The following ELMO1 variants were observed in gnomAD, a reference collection of about 807,000 sequenced individuals.
The protein encoded by ELMO1 is engulfment and cell motility protein 1.
Under a neutral mutation model 98.9 loss-of-function variants are expected in ELMO1, and 26 were observed. The ratio of observed to expected loss-of-function variants is 0.26; its 90% CI spans 0.19 to 0.36. ELMO1 has a LOEUF of 0.36. Ranked by LOEUF, ELMO1 falls within the 10% of genes least tolerant of loss-of-function variation. The pLI is 1.00. For missense variants in ELMO1, 627 were observed against 935.2 expected (o/e 0.67, Z 4.30); for synonymous variants, 346 against 346.0 (o/e 1.00, Z 0.00).
chr7:37,313,980 C>T (rs576046649), intron 4 of ELMO1, among the ~76,000 whole-genome samples: 1 of 152,324 alleles, frequency 6.6e-6, no homozygotes, highest in African/African-American at 2.4e-5. Context: ...GTTTAGAAGA[C>T]AAAACTGGCT....
intron 13 of ELMO1, among the ~76,000 whole-genome samples, chr7:37,158,808 A>G (rs553751454): frequency 6.6e-6 from 1 of 152,348 alleles, no homozygotes; most frequent in East Asian, 1.9e-4. Flanking sequence ...TACTGGGTAT[A>G]TACCCAAAGG....
chr7:37,403,633 C>T (rs887879262), intron 1 of ELMO1, among the ~76,000 whole-genome samples: 1 of 152,154 alleles, frequency 6.6e-6, no homozygotes, highest in Non-Finnish European at 1.5e-5. Flanking sequence ...CAGCCTTGAC[C>T]TCCTGGCCTC....
intron 16 of ELMO1, among the ~76,000 whole-genome samples, chr7:36,945,408 G>A (rs1182362915): frequency 6.6e-6 from 1 of 152,278 alleles, no homozygotes; most frequent in South Asian, 2.1e-4. Context: ...ACATTAGGGA[G>A]GGAAGGAGGG....
chr7:36,879,550 T>C (rs3807165), intron 18 of ELMO1, among the ~76,000 whole-genome samples: 13,216 of 152,290 alleles, frequency 0.087, 671 homozygotes, highest in South Asian at 0.19. Flanking sequence ...TTAATAGAAA[T>C]AGAAGTTTTA....
chr7:37,058,615 T>C lies in ELMO1; in HGVS notation c.1300+38004A>G, dbSNP rs954154944. On this transcript the variant is annotated intron_variant, in intron 15 of 21. Transcript: ENST00000310758. Reference sequence around the variant, plus strand: ...TGCATGAGAGTAAATGCACACCTTTTGAAGGTTCTATGAGGGCTCCATTCC... The same window carrying C: ...TGCATGAGAGTAAATGCACACCTTTCGAAGGTTCTATGAGGGCTCCATTCC... Among the ~76,000 whole-genome samples, 8 of 152,086 alleles carry C rather than the reference T, an allele frequency of 5.3e-5. No homozygotes were observed. In the East Asian group the frequency reaches 1.5e-3, roughly 29 times the overall value.
At chr7:37,152,081 T>C (rs889517161) in intron 13 of ELMO1, among the ~76,000 whole-genome samples, 1 of 152,198 alleles carries the variant, frequency 6.6e-6, no homozygotes, top group Non-Finnish European at 1.5e-5. Context: ...GAATGCCACA[T>C]TGCCCCTAAC....
intron 16 of ELMO1, among the ~76,000 whole-genome samples, chr7:36,985,277 A>G (rs1329404720): frequency 1.3e-5 from 2 of 152,202 alleles, no homozygotes; most frequent in Non-Finnish European, 2.9e-5. Flanking sequence ...ATTTTGAAGC[A>G]TGCTTTTTGA....
chr7:37,402,782 T>C (rs996242655), intron 1 of ELMO1, among the ~76,000 whole-genome samples: 11 of 152,232 alleles, frequency 7.2e-5, no homozygotes, highest in Non-Finnish European at 1.5e-4. Context: ...AAGTAGTACC[T>C]GCATTTTTCC....
chr7:37,241,807 C>T (rs1794778018), intron 7 of ELMO1, among the ~76,000 whole-genome samples: 1 of 152,102 alleles, frequency 6.6e-6, no homozygotes, highest in Non-Finnish European at 1.5e-5. Flanking sequence ...CATTGTCATA[C>T]ATATTGCATC....
chr7:37,399,454 A>T (rs1803433857), intron 1 of ELMO1, among the ~76,000 whole-genome samples: 3 of 152,210 alleles, frequency 2.0e-5, no homozygotes, highest in Non-Finnish European at 2.9e-5. Context: ...GCCACCTTGC[A>T]CCAGGCACAT....
At chr7:37,427,458 C>T (rs1407515121) in intron 1 of ELMO1, among the ~76,000 whole-genome samples, 1 of 152,224 alleles carries the variant, frequency 6.6e-6, no homozygotes, top group South Asian at 2.1e-4. Flanking sequence ...TCACAGATCA[C>T]TCTGATAGGA....
chr7:37,205,503 A>G (rs569331091), intron 13 of ELMO1, among the ~76,000 whole-genome samples: 1 of 152,312 alleles, frequency 6.6e-6, no homozygotes, highest in Non-Finnish European at 1.5e-5. Flanking sequence ...TCTGCGTGGC[A>G]TGTCACAGCC....
chr7:37,080,434 C>T (rs1797804160), intron 15 of ELMO1, among the ~76,000 whole-genome samples: 1 of 149,782 alleles, frequency 6.7e-6, no homozygotes, highest in African/African-American at 2.5e-5. Flanking sequence ...CCCACCATCC[C>T]ACTTTTTTTT....
chr7:37,432,101 G>A (rs1314717547), intron 1 of ELMO1, among the ~76,000 whole-genome samples: 2 of 152,116 alleles, frequency 1.3e-5, no homozygotes, highest in Non-Finnish European at 2.9e-5. Context: ...GGCTGGTCTC[G>A]AACTCTTGAC....
chr7:36,870,602 G>A lies in ELMO1; in HGVS notation c.1823-127C>T. Reference sequence around the variant, plus strand: ...TTCCCAGAAACTACTGCAAAAAGAAGAGTGTTGAAAAGAGGAAGAGAAGCC... The same window carrying A: ...TTCCCAGAAACTACTGCAAAAAGAAAAGTGTTGAAAAGAGGAAGAGAAGCC... On this transcript the variant is annotated intron_variant, in intron 19 of 21. Transcript: ENST00000310758. The surrounding 1 kb of genome is among the most constrained non-coding windows in gnomAD (Gnocchi z 4.4). 1.2e-6 allele frequency: 1 copy of A among 861,954 alleles called. No homozygotes were observed. Among genetic ancestry groups the A allele is most frequent in the Non-Finnish European group, 1.7e-6 (1 of 573,574 alleles). The allele number at this position is 861,954 out of a possible 1,614,324, so 53.4% of individuals were successfully genotyped here. A position where few individuals can be genotyped will look rare whatever the true frequency, so the allele number is the denominator to read the frequency against.
At chr7:37,361,381 A>G (rs138423919) in intron 1 of ELMO1, among the ~76,000 whole-genome samples, 1 of 152,142 alleles carries the variant, frequency 6.6e-6, no homozygotes, top group Non-Finnish European at 1.5e-5. Context: ...ATATTGGCAC[A>G]CTCTAGCTTA....
intron 11 of ELMO1, among the ~76,000 whole-genome samples, chr7:37,215,049 C>T (rs1254092585): frequency 6.6e-6 from 1 of 152,262 alleles, no homozygotes; most frequent in Non-Finnish European, 1.5e-5. Flanking sequence ...ATTATGAATA[C>T]TTCTGCACTT....
chr7:36,909,967 A>C (rs1390993905), intron 16 of ELMO1, among the ~76,000 whole-genome samples: 1 of 152,232 alleles, frequency 6.6e-6, no homozygotes, highest in Non-Finnish European at 1.5e-5. Context: ...TGAAGATCAA[A>C]AAGTGTCTCT....
At chr7:37,300,779 C>T (rs1157732213) in intron 4 of ELMO1, among the ~76,000 whole-genome samples, 1 of 150,230 alleles carries the variant, frequency 6.7e-6, no homozygotes. Flanking sequence ...TGATGCTGGC[C>T]TCATAAATGA....
Sources: allele counts gnomAD v4.1 joint callset (sites outside exome capture counted in the v4.1 genomes callset), GRCh38; gene constraint gnomAD v4.1.1; non-coding constraint Gnocchi (gnomAD v3.1); transcripts MANE v1.5; gene names NCBI Gene and HGNC (gene_info 2026-07-23, HGNC 2026-07-21).